The following ZMAT2 variants were observed in gnomAD, a reference collection of about 807,000 sequenced individuals.
ZMAT2 encodes the protein zinc finger matrin-type 2, also known as zinc finger matrin-type protein 2.
A neutral mutation model predicts 27.5 loss-of-function variants in ZMAT2; 5 were observed. The ratio of observed to expected loss-of-function variants is 0.18; its 90% CI spans 0.10 to 0.38. The LOEUF (loss-of-function observed/expected upper bound fraction) is 0.38, where lower values mean the gene tolerates loss of function less well. ZMAT2 is among the 10% of genes least tolerant of loss of function. ZMAT2 has a pLI of 1.00. For missense variants in ZMAT2, 124 were observed against 243.9 expected, an observed-to-expected ratio of 0.51 and a Z score of 3.27; for synonymous variants, 76 against 78.6, an observed-to-expected ratio of 0.97 and a Z score of 0.17.
At position 140,704,357 on chromosome 5, in the gene ZMAT2, G is replaced by C. The variant is rs1760013951; in HGVS notation, c.311-69G>C. ...GTTTTATGAGATGTCAGAGAAGTCA[G>C]GAAAATAATTTTTGAGGGGCTGAGG... On this transcript the variant is annotated intron_variant, in intron 4 of 5. Coordinates refer to ENST00000274712, the MANE Select transcript of ZMAT2 (RefSeq NM_144723.3). 2.0e-6 allele frequency: 3 copies of C among 1,537,964 alleles called. No homozygotes were observed. In the East Asian group the frequency reaches 6.8e-5, roughly 35 times the overall value.
chr5:140,704,082 A>C lies in ZMAT2; in HGVS notation c.310+91A>C, dbSNP rs1055086015. The C allele has an allele frequency of 7.3e-6, 9 of 1,234,080 alleles. No homozygotes were observed. In the African/African-American group the frequency reaches 1.4e-4, roughly 19 times the overall value. 76.4% of individuals were successfully genotyped at this position (1,234,080 alleles called of 1,614,324 possible). A position where few individuals can be genotyped will look rare whatever the true frequency, so the allele number is the denominator to read the frequency against. On this transcript the variant is annotated intron_variant, in intron 4 of 5. Transcript: ENST00000274712. Reference sequence around the variant, plus strand: ...GGGTAGCTTTTTTTTTCTTCTTTTTACTCATCAAAAGATGGCTGGAGTAAG... The same window carrying C: ...GGGTAGCTTTTTTTTTCTTCTTTTTCCTCATCAAAAGATGGCTGGAGTAAG...
rs1467297727 is a variant in ZMAT2 at position 140,705,798 on chromosome 5, A to T, written c.*42A>T. ...CCTGACTTTGGCCTATGCTGGACCT[A>T]ACTTTGCGTGTGTGTGTGTGTAGTA... On this transcript the variant is annotated 3_prime_UTR_variant, in exon 6 of 6. Transcript: ENST00000274712. The T allele has an allele frequency of 6.2e-7, 1 of 1,603,430 alleles. No homozygotes were observed.
intron 3 of ZMAT2, 41 bp from the exon 4 acceptor site, chr5:140,703,877 T>A: frequency 4.4e-6 from 7 of 1,590,450 alleles, no homozygotes; most frequent in Non-Finnish European, 5.2e-6. Context: ...GATAAGATCC[T>A]TAAAACCATA....
rs1229327714 is a variant in ZMAT2, at chr5:140,704,534, A to G, written c.419A>G (p.Tyr140Cys). ...AAGATGGAAGAGAAGCAGAAGGATT[A>G]TGATTTTGAGGAAAGGATGAAGGAG... ...KKKMEEKQKD[Y>C]DFEERMKELR... The change falls in exon 5 of 6, where the codon TAT (tyrosine) becomes TGT (cysteine). Residue 140 changes from tyrosine (Y) to cysteine (C), a missense_variant. Tyr to Cys is a radical substitution (Grantham distance 194). Transcript: ENST00000274712. The G allele has an allele frequency of 2.5e-6, 4 of 1,614,020 alleles. No homozygotes were observed. The highest frequency in any genetic ancestry group is 3.4e-6 in the Non-Finnish European group (4 of 1,180,028).
At chr5:140,700,603 C>T in intron 1 of ZMAT2, 125 bp downstream of exon 1, 2 of 1,550,954 alleles carry the variant, frequency 1.3e-6, no homozygotes, top group South Asian at 1.2e-5. Flanking sequence ...GGTTCAGGTT[C>T]AAGAACTCCC....
chr5:140,700,600 G>T (rs936813381), intron 1 of ZMAT2, 122 bp downstream of exon 1: 4 of 1,555,160 alleles, frequency 2.6e-6, no homozygotes, highest in Middle Eastern at 2.4e-4. Context: ...CAGGGTTCAG[G>T]TTCAAGAACT....
rs1175507908 is a variant in ZMAT2, at chr5:140,705,794, A to T, written c.*38A>T. ...TTGGCCTGACTTTGGCCTATGCTGG[A>T]CCTAACTTTGCGTGTGTGTGTGTGT... On this transcript the variant is annotated 3_prime_UTR_variant, in exon 6 of 6. Coordinates refer to ENST00000274712, the MANE Select transcript of ZMAT2 (RefSeq NM_144723.3). 5.0e-6 allele frequency: 8 copies of T among 1,604,944 alleles called. No individual in the cohort carries two copies. The highest frequency in any genetic ancestry group is 6.8e-6 in the Non-Finnish European group (8 of 1,176,024).
At position 140,705,882 on chromosome 5, in the gene ZMAT2, A is replaced by G; in HGVS notation, c.*126A>G. The G allele has an allele frequency of 7.8e-7, 1 of 1,280,544 alleles. No individual in the cohort carries two copies. The highest frequency in any genetic ancestry group is 2.5e-5 in the Admixed American group (1 of 39,256). 79.3% of individuals were successfully genotyped at this position (1,280,544 alleles called of 1,614,324 possible). On this transcript the variant is annotated 3_prime_UTR_variant, in exon 6 of 6. Transcript: ENST00000274712. ...CTTAAGAGTGTCAATGGGGAGGGAT[A>G]GAGGGTGGGGGCTCATGGTTTCCCT...
intron 2 of ZMAT2, among the ~76,000 whole-genome samples, chr5:140,701,576 A>G (rs1258241811): frequency 6.6e-6 from 1 of 152,224 alleles, no homozygotes; most frequent in African/African-American, 2.4e-5. Flanking sequence ...AGTGCTTGAC[A>G]TGTAACAGGC....
At position 140,703,907 on chromosome 5, in the gene ZMAT2, C is replaced by T. The variant is rs1340860630; in HGVS notation, c.237-11C>T. 1.9e-6 allele frequency: 3 copies of T among 1,613,316 alleles called. No homozygotes were observed. Among genetic ancestry groups the T allele is most frequent in the South Asian group, 2.2e-5 (2 of 90,994 alleles). ...ACCATATTTGACTCAGGTGCTGTTT[C>T]TTCCTGTTAGATATTACTGCAATGT... On this transcript the variant is annotated splice_polypyrimidine_tract_variant and intron_variant, in intron 3 of 5. Coordinates refer to ENST00000274712, the MANE Select transcript of ZMAT2 (RefSeq NM_144723.3).
chr5:140,704,720 G>A (rs1003256461), intron 5 of ZMAT2, 149 bp downstream of exon 5: 1 of 723,990 alleles, frequency 1.4e-6, no homozygotes, highest in South Asian at 3.5e-5. Flanking sequence ...TGTTGCCTTT[G>A]TTTAGGATTC....
intron 4 of ZMAT2, among the ~76,000 whole-genome samples, chr5:140,704,192 A>G (rs1361413878): frequency 6.6e-6 from 1 of 152,000 alleles, no homozygotes; most frequent in Non-Finnish European, 1.5e-5. Flanking sequence ...TTACTTCATT[A>G]TGTAATATTT....
chr5:140,701,036 T>C lies in ZMAT2; in HGVS notation c.112+124T>C. 5.6e-6 allele frequency: 5 copies of C among 892,050 alleles called. No homozygotes were observed. The South Asian group carries it at 6.9e-5, about 12-fold the overall frequency. 55.3% of individuals were successfully genotyped at this position (892,050 alleles called of 1,614,324 possible). A position where few individuals can be genotyped will look rare whatever the true frequency, so the allele number is the denominator to read the frequency against. ...AAGCTCTGGCAGAGTGCTGCTTCCC[T>C]GGGCCTAGGTTTCTGCATTTACAAA... On this transcript the variant is annotated intron_variant, in intron 2 of 5. Coordinates refer to ENST00000274712, the MANE Select transcript of ZMAT2 (RefSeq NM_144723.3).
At position 140,700,908 on chromosome 5, in the gene ZMAT2, A is replaced by G. The variant is rs768016033; in HGVS notation, c.108A>G (p.Lys36=). Residue 36 remains lysine, a synonymous_variant, in exon 2 of 6, where the codon AAA becomes AAG. Coordinates refer to ENST00000274712, the MANE Select transcript of ZMAT2 (RefSeq NM_144723.3). ...EKRLTEEREK[K]DGKPVQPVKR... ...GGCTCACGGAAGAGAGAGAAAAGAA[A>G]GATGGTGGGTGCTAACTACATCAAG... The G allele has an allele frequency of 5.0e-6, 8 of 1,614,012 alleles. No individual in the cohort carries two copies. The highest frequency in any genetic ancestry group is 2.5e-6 in the Non-Finnish European group (3 of 1,180,014).
At chr5:140,705,512 C>A (rs1290609339) in intron 5 of ZMAT2, 101 bp from the exon 6 acceptor site, 55 of 1,386,202 alleles carry the variant, frequency 4.0e-5, no homozygotes, top group Non-Finnish European at 5.2e-5. Flanking sequence ...GTACTCAGAG[C>A]AATTTCTGGC....
intron 3 of ZMAT2, among the ~76,000 whole-genome samples, chr5:140,703,265 G>C (rs1487587523): frequency 2.1e-5 from 3 of 143,434 alleles, no homozygotes; most frequent in Non-Finnish European, 4.5e-5. Context: ...TTCTGAGACA[G>C]AGTTTCACTC....
At chr5:140,701,952 T>C (rs1384769468) in intron 2 of ZMAT2, 54 bp from the exon 3 acceptor site, 3 of 1,548,680 alleles carry the variant, frequency 1.9e-6, no homozygotes, top group Non-Finnish European at 8.7e-7. Flanking sequence ...TTTTTTTCCT[T>C]TCTGGTTGAG....
At chr5:140,700,994 G>A in intron 2 of ZMAT2, 82 bp downstream of exon 2, 1 of 1,350,284 alleles carries the variant, frequency 7.4e-7, no homozygotes, top group Non-Finnish European at 1.0e-6. Context: ...GAAGTGCGCT[G>A]CCTTCCCACG....
chr5:140,703,452 T>G (rs1409638642), intron 3 of ZMAT2, among the ~76,000 whole-genome samples: 1 of 152,034 alleles, frequency 6.6e-6, no homozygotes, highest in Non-Finnish European at 1.5e-5. Flanking sequence ...CAGGCTAGTC[T>G]CGAACTCCCG....
Sources: gnomAD v4.1 joint callset for allele counts (sites outside exome capture counted in the v4.1 genomes callset) on GRCh38, gnomAD v4.1.1 for gene constraint, MANE v1.5 for transcripts, NCBI Gene and HGNC (gene_info 2026-07-23, HGNC 2026-07-21) for gene names.